Variants in PRMT8 observed in about 807,000 individuals in gnomAD.
PRMT8 encodes the protein protein arginine methyltransferase 8.
PRMT8 carries 7 observed loss-of-function variants against 47.1 expected under a neutral mutation model. The ratio of observed to expected loss-of-function variants is 0.15; its 90% CI spans 0.08 to 0.28. PRMT8 has a LOEUF of 0.28. Ranked by LOEUF, PRMT8 falls within the 10% of genes least tolerant of loss-of-function variation. PRMT8 has a pLI of 1.00. For synonymous variants in PRMT8, 188 were observed against 186.5 expected, an observed-to-expected ratio of 1.01 and a Z score of -0.07; for missense variants, 237 against 505.4, an observed-to-expected ratio of 0.47 and a Z score of 5.09.
At chr12:3,428,696 C>G (rs1431482330) in intron 1 of PRMT8, among the ~76,000 whole-genome samples, 1 of 151,300 alleles carries the variant, frequency 6.6e-6, no homozygotes, top group Non-Finnish European at 1.5e-5. Flanking sequence ...ATTTCTTTCT[C>G]TCTTTGACTT....
intron 3 of PRMT8, chr12:3,551,431 G>A (rs960805727): frequency 6.6e-6 from 1 of 152,300 alleles, no homozygotes; most frequent in Non-Finnish European, 1.5e-5. Flanking sequence ...GAGGTCACAG[G>A]GCATCAGAGC....
chr12:3,561,570 G>A (rs1364449656), intron 4 of PRMT8, among the ~76,000 whole-genome samples: 1 of 152,166 alleles, frequency 6.6e-6, no homozygotes, highest in Admixed American at 6.5e-5. Context: ...GGTGAGGGTG[G>A]AAGCTCCTAC....
intron 1 of PRMT8, chr12:3,381,530 G>A: frequency 7.6e-7 from 1 of 1,317,304 alleles, no homozygotes; most frequent in Non-Finnish European, 1.1e-6. Flanking sequence ...TGGGCTGTTG[G>A]CTTTTTTCCT....
At chr12:3,413,872 G>A (rs553364158) in intron 1 of PRMT8, among the ~76,000 whole-genome samples, 6 of 152,194 alleles carry the variant, frequency 3.9e-5, no homozygotes, top group South Asian at 2.1e-4. Context: ...TAAAGTATAC[G>A]GGAAGATGTG....
chr12:3,564,101 T>C lies in PRMT8; in HGVS notation c.482-4605T>C, dbSNP rs908806625. On this transcript the variant is annotated intron_variant, in intron 4 of 9. Coordinates refer to ENST00000382622, the MANE Select transcript of PRMT8 (RefSeq NM_019854.5). This position sits in a 1 kb window ranked among gnomAD's most constrained non-coding sequence, Gnocchi z 4.0. The stretch of plus-strand genomic sequence containing the variant: ...GGAGGTGAGCCGGGCCCTCCGCAGG[T>C]GCAAGGCAGCCAGCATGGGTGTCAC... Among the ~76,000 whole-genome samples, 1 of 151,928 alleles carries C rather than the reference T, an allele frequency of 6.6e-6. No homozygotes were observed. Among genetic ancestry groups the C allele is most frequent in the African/African-American group, 2.4e-5 (1 of 41,288 alleles).
intron 1 of PRMT8, among the ~76,000 whole-genome samples, chr12:3,477,028 G>C (rs755403799): frequency 6.6e-6 from 1 of 152,172 alleles, no homozygotes; most frequent in Non-Finnish European, 1.5e-5. Flanking sequence ...ATTGACTATA[G>C]GCGAGACCTC....
chr12:3,578,393 T>TTC (rs1430177586), intron 7 of PRMT8, among the ~76,000 whole-genome samples: 2 of 145,756 alleles, frequency 1.4e-5, no homozygotes, highest in East Asian at 3.9e-4. Context: ...CATGGCTAAT[T>TTC]TTTTTTTTTT....
intron 1 of PRMT8, among the ~76,000 whole-genome samples, chr12:3,424,662 G>T (rs1453276095): frequency 2.6e-5 from 4 of 152,048 alleles, no homozygotes; most frequent in African/African-American, 9.7e-5. Context: ...AGGCTCAGAG[G>T]GGTCATAACA....
intron 1 of PRMT8, among the ~76,000 whole-genome samples, chr12:3,389,909 C>A (rs752949113): frequency 6.6e-6 from 1 of 152,238 alleles, no homozygotes; most frequent in Non-Finnish European, 1.5e-5. Context: ...CAGAAACATA[C>A]CCGATCAGAC....
At chr12:3,391,411 C>A (rs905236190) in intron 1 of PRMT8, among the ~76,000 whole-genome samples, 6 of 152,164 alleles carry the variant, frequency 3.9e-5, no homozygotes, top group African/African-American at 1.4e-4. Flanking sequence ...GGCAGCCATA[C>A]AAATGCCTCA....
At chr12:3,482,415 C>T (rs1865283365) in intron 1 of PRMT8, among the ~76,000 whole-genome samples, 1 of 152,192 alleles carries the variant, frequency 6.6e-6, no homozygotes, top group East Asian at 1.9e-4. Context: ...GCTCAGGATG[C>T]ACTAACTAAG....
chr12:3,513,348 G>T (rs74057475), intron 1 of PRMT8, among the ~76,000 whole-genome samples: 1,964 of 152,184 alleles, frequency 0.013, 42 homozygotes, highest in African/African-American at 0.043. Context: ...CTAAATATAC[G>T]ATGTACCTAC....
In PRMT8 at chr12:3,540,801, C is replaced by T. The variant is rs779877609; in HGVS notation, c.261+10C>T. 9 of 1,611,652 alleles carry T rather than the reference C, an allele frequency of 5.6e-6. No individual in the cohort carries two copies. The highest frequency in any genetic ancestry group is 1.7e-6 in the Non-Finnish European group (2 of 1,178,680). On this transcript the variant is annotated intron_variant, in intron 2 of 9. Transcript: ENST00000382622. ...CTTTGGGATCCACGAGGTAAAGTGT[C>T]CCGAGTGGGTGGCTAATGGGGCGAG... is the stretch of plus-strand genomic sequence containing the variant.
At chr12:3,575,624 T>C (rs1255656949) in intron 6 of PRMT8, among the ~76,000 whole-genome samples, 1 of 152,200 alleles carries the variant, frequency 6.6e-6, no homozygotes, top group Non-Finnish European at 1.5e-5. Flanking sequence ...TGCCAACTTC[T>C]CCCAGCCACA....
chr12:3,564,377 G>C lies in PRMT8; in HGVS notation c.482-4329G>C, dbSNP rs150739973. Among the ~76,000 whole-genome samples, 1 of 152,258 alleles carries C rather than the reference G, an allele frequency of 6.6e-6. No homozygotes were observed. The highest frequency in any genetic ancestry group is 1.9e-4 in the East Asian group (1 of 5,176). On this transcript the variant is annotated intron_variant, in intron 4 of 9. Coordinates refer to ENST00000382622, the MANE Select transcript of PRMT8 (RefSeq NM_019854.5). The surrounding 1 kb of genome is among the most constrained non-coding windows in gnomAD (Gnocchi z 4.0). ...ATGGATGCACTGGAGGCTCAAATGA[G>C]GTTGAGCTGGCCTGATTTGTTTAAA...
intron 1 of PRMT8, among the ~76,000 whole-genome samples, chr12:3,481,035 T>G (rs1323318486): frequency 2.0e-5 from 3 of 152,162 alleles, no homozygotes; most frequent in Non-Finnish European, 4.4e-5. Context: ...CATGTGAGAC[T>G]GATTTGAAGG....
chr12:3,527,153 C>T (rs974841384), intron 1 of PRMT8, among the ~76,000 whole-genome samples: 2 of 152,054 alleles, frequency 1.3e-5, no homozygotes, highest in East Asian at 3.8e-4. Context: ...ATGTATTGAA[C>T]TTATCATCAT....
intron 1 of PRMT8, among the ~76,000 whole-genome samples, chr12:3,410,052 A>AATTT (rs1352638673): frequency 6.6e-6 from 1 of 152,102 alleles, no homozygotes; most frequent in African/African-American, 2.4e-5. Context: ...TTTCCAAATG[A>AATTT]ATTTCTGGAA....
chr12:3,530,767 G>T (rs1866017874), intron 1 of PRMT8, among the ~76,000 whole-genome samples: 1 of 152,218 alleles, frequency 6.6e-6, no homozygotes, highest in Non-Finnish European at 1.5e-5. Flanking sequence ...AGCATCTAAA[G>T]ATAGCACCCT....
Sources: allele counts gnomAD v4.1 joint callset (sites outside exome capture counted in the v4.1 genomes callset), GRCh38; gene constraint gnomAD v4.1.1; non-coding constraint Gnocchi (gnomAD v3.1); transcripts MANE v1.5; gene names NCBI Gene and HGNC (gene_info 2026-07-23, HGNC 2026-07-21).